PTPRD: variants seen among roughly 807,000 people sequenced by gnomAD.
PTPRD encodes the protein protein tyrosine phosphatase receptor type D, also known as receptor-type tyrosine-protein phosphatase delta.
A neutral mutation model predicts 214.5 loss-of-function variants in PTPRD; 34 were observed. The ratio of observed to expected loss-of-function variants is 0.16; its 90% CI spans 0.12 to 0.21. PTPRD has a LOEUF of 0.21. Among genes scored for constraint, PTPRD ranks in the 10% least tolerant of loss-of-function variants. PTPRD has a pLI of 1.00. For synonymous variants in PTPRD, 1,128 were observed against 845.7 expected, an observed-to-expected ratio of 1.33 and a Z score of -5.79; for missense variants, 2,545 against 2,398.7, an observed-to-expected ratio of 1.06 and a Z score of -1.27.
At chr9:9,557,508 T>C (rs551004946) in intron 8 of PTPRD, among the ~76,000 whole-genome samples, 17 of 152,304 alleles carry the variant, frequency 1.1e-4, no homozygotes, top group African/African-American at 4.1e-4. Flanking sequence ...CTACATGCTA[T>C]AGAGAAACCC....
At chr9:10,159,362 T>C (rs533276872) in intron 3 of PTPRD, among the ~76,000 whole-genome samples, 1 of 148,532 alleles carries the variant, frequency 6.7e-6, no homozygotes, top group East Asian at 2.0e-4. Context: ...CAGGAAAAAA[T>C]ATTGCAAATA....
chr9:10,411,511 G>C (rs1034213324), intron 2 of PTPRD, among the ~76,000 whole-genome samples: 8 of 151,758 alleles, frequency 5.3e-5, no homozygotes, highest in South Asian at 2.1e-4. Flanking sequence ...GTGATATTCA[G>C]AAAGTGTTGG....
intron 10 of PTPRD, among the ~76,000 whole-genome samples, chr9:9,063,186 C>T (rs948100297): frequency 6.6e-6 from 1 of 152,188 alleles, no homozygotes; most frequent in East Asian, 1.9e-4. Flanking sequence ...TCATAAAACT[C>T]TACTTTCTAG....
At chr9:9,004,791 G>T (rs944207812) in intron 11 of PTPRD, among the ~76,000 whole-genome samples, 2 of 152,022 alleles carry the variant, frequency 1.3e-5, no homozygotes, top group African/African-American at 4.8e-5. Context: ...CAAGAGCAGA[G>T]GAACTAGTAA....
chr9:10,345,489 C>G (rs1162750195), intron 2 of PTPRD, among the ~76,000 whole-genome samples: 1 of 146,820 alleles, frequency 6.8e-6, no homozygotes, highest in Non-Finnish European at 1.5e-5. Flanking sequence ...TTGTTCTACT[C>G]CCACTTATGA....
At chr9:8,456,366 A>T (rs1437749588) in intron 33 of PTPRD, among the ~76,000 whole-genome samples, 48 of 152,106 alleles carry the variant, frequency 3.2e-4, no homozygotes, top group Non-Finnish European at 2.9e-5. Flanking sequence ...TGAGGCAGGC[A>T]CCCAGAAAGG....
intron 9 of PTPRD, among the ~76,000 whole-genome samples, chr9:9,337,899 T>C (rs952721700): frequency 1.3e-5 from 2 of 152,200 alleles, no homozygotes; most frequent in Non-Finnish European, 2.9e-5. Flanking sequence ...GTTGTTATGA[T>C]GTAATAAAAT....
At chr9:8,919,408 A>AT (rs2098809679) in intron 11 of PTPRD, among the ~76,000 whole-genome samples, 1 of 150,898 alleles carries the variant, frequency 6.6e-6, no homozygotes, top group African/African-American at 2.4e-5. Flanking sequence ...AAAAAAAAAA[A>AT]TTCAACCAGA....
At chr9:10,228,282 T>G in intron 3 of PTPRD, among the ~76,000 whole-genome samples, 1 of 152,038 alleles carries the variant, frequency 6.6e-6, no homozygotes, top group East Asian at 1.9e-4. Flanking sequence ...CTGTTAATGT[T>G]TGAATAGTTT....
chr9:8,578,312 T>A (rs2092684414), intron 14 of PTPRD, among the ~76,000 whole-genome samples: 1 of 152,190 alleles, frequency 6.6e-6, no homozygotes. Context: ...TACAACTTTT[T>A]AAGTAATCAA....
intron 5 of PTPRD, among the ~76,000 whole-genome samples, chr9:9,911,779 T>G (rs1464615429): frequency 6.6e-6 from 1 of 152,068 alleles, no homozygotes; most frequent in Non-Finnish European, 1.5e-5. Context: ...TTCAGGATCA[T>G]AAATAAGAGA....
chr9:9,391,718 A>T (rs925894158), intron 9 of PTPRD, among the ~76,000 whole-genome samples: 1 of 152,172 alleles, frequency 6.6e-6, no homozygotes, highest in Non-Finnish European at 1.5e-5. Context: ...GTTTTTATTA[A>T]GTAGTAAAAC....
intron 9 of PTPRD, among the ~76,000 whole-genome samples, chr9:9,233,656 A>G (rs1160726759): frequency 6.6e-6 from 1 of 152,244 alleles, no homozygotes. Context: ...GGGTACATGC[A>G]TTGGGTAAAT....
At chr9:9,483,204 C>A (rs550533848) in intron 8 of PTPRD, among the ~76,000 whole-genome samples, 121 of 152,224 alleles carry the variant, frequency 7.9e-4, no homozygotes, top group African/African-American at 2.8e-3. Flanking sequence ...TGGAGACAGA[C>A]CACTTTAATT....
At chr9:8,498,116 G>A (rs967336188) in intron 25 of PTPRD, among the ~76,000 whole-genome samples, 41 of 152,220 alleles carry the variant, frequency 2.7e-4, no homozygotes, top group African/African-American at 8.4e-4. Context: ...AAGTGGCCTC[G>A]GGGTAGATAA....
chr9:9,771,396 T>C (rs2098750659), intron 5 of PTPRD, among the ~76,000 whole-genome samples: 1 of 152,186 alleles, frequency 6.6e-6, no homozygotes, highest in Non-Finnish European at 1.5e-5. Flanking sequence ...ATGTCATTTG[T>C]GGTCAAAATT....
chr9:9,051,710 A>T (rs542611479), intron 10 of PTPRD, among the ~76,000 whole-genome samples: 1 of 152,344 alleles, frequency 6.6e-6, no homozygotes, highest in African/African-American at 2.4e-5. Context: ...TAGCTTCTGT[A>T]GACCATGTTC....
At chr9:10,039,545 T>A (rs185880096) in intron 3 of PTPRD, among the ~76,000 whole-genome samples, 2 of 152,204 alleles carry the variant, frequency 1.3e-5, no homozygotes, top group Admixed American at 1.3e-4. Flanking sequence ...CACTTTAATT[T>A]CCACCTGAAA....
At chr9:10,528,239 G>A (rs1455207822) in intron 2 of PTPRD, among the ~76,000 whole-genome samples, 1 of 152,184 alleles carries the variant, frequency 6.6e-6, no homozygotes, top group African/African-American at 2.4e-5. Context: ...GCTCCAGGCA[G>A]ATATCCTGAG....
Sources: allele counts gnomAD v4.1 joint callset (sites outside exome capture counted in the v4.1 genomes callset), GRCh38; gene constraint gnomAD v4.1.1; transcripts MANE v1.5; gene names NCBI Gene and HGNC (gene_info 2026-07-23, HGNC 2026-07-21).